RANBP17: variants seen among roughly 807,000 people sequenced by gnomAD.
RANBP17 encodes the protein RAN binding protein 17, also known as ran-binding protein 17.
In RANBP17, 158 loss-of-function variants were observed where a neutral mutation model predicts 141.2. The observed-to-expected ratio is 1.12, with a 90% CI of 0.98 to 1.28. RANBP17 has a LOEUF of 1.28. Among genes scored for constraint, RANBP17 ranks in the 50% most tolerant of loss-of-function variants. The probability of loss-of-function intolerance (pLI) is 0.00; values close to 1 mark genes in which losing one functional copy is unlikely to be tolerated. For synonymous variants in RANBP17, 430 were observed against 450.0 expected, an observed-to-expected ratio of 0.96 and a Z score of 0.56; for missense variants, 1,438 against 1,290.7, an observed-to-expected ratio of 1.11 and a Z score of -1.75.
At chr5:170,987,350 C>T (rs1778209844) in intron 14 of RANBP17, among the ~76,000 whole-genome samples, 1 of 151,350 alleles carries the variant, frequency 6.6e-6, no homozygotes, top group Non-Finnish European at 1.5e-5. Context: ...ATAAATATAT[C>T]ATAATCAGTT....
intron 7 of RANBP17, among the ~76,000 whole-genome samples, chr5:170,911,833 C>T (rs1771551787): frequency 6.6e-6 from 1 of 151,812 alleles, no homozygotes; most frequent in Non-Finnish European, 1.5e-5. Flanking sequence ...AATTTGTTCT[C>T]CCATGTTCCA....
At chr5:171,021,200 A>G (rs143520389) in intron 14 of RANBP17, among the ~76,000 whole-genome samples, 1 of 152,156 alleles carries the variant, frequency 6.6e-6, no homozygotes, top group East Asian at 1.9e-4. Context: ...GGCTGCCCTT[A>G]ACATTTTTTT....
intron 14 of RANBP17, among the ~76,000 whole-genome samples, chr5:171,122,137 A>G (rs908192335): frequency 2.6e-5 from 4 of 152,206 alleles, no homozygotes; most frequent in African/African-American, 7.2e-5. Context: ...CACAGGGACA[A>G]TAGAGTGCGG....
At chr5:170,973,953 T>A (rs1484925120) in intron 14 of RANBP17, among the ~76,000 whole-genome samples, 1 of 152,160 alleles carries the variant, frequency 6.6e-6, no homozygotes, top group Non-Finnish European at 1.5e-5. Context: ...CCTCTTAATA[T>A]CATCATGCTG....
intron 14 of RANBP17, among the ~76,000 whole-genome samples, chr5:171,012,082 T>C (rs960741370): frequency 4.0e-5 from 6 of 151,184 alleles, no homozygotes; most frequent in Non-Finnish European, 7.4e-5. Flanking sequence ...ATATTGTTTG[T>C]TTATTTGTTT....
chr5:171,236,804 T>C lies in RANBP17; in HGVS notation c.2423-4124T>C, dbSNP rs533399776. Among the ~76,000 whole-genome samples the C allele has an allele frequency of 2.0e-5, 3 of 152,190 alleles. No homozygotes were observed. The South Asian group carries it at 6.2e-4, about 32-fold the overall frequency. ...ATGAGGAAACTGTGAAGTACACAAGTTAATAATCTGCTCAGATACCTAGAT... is the reference window on the plus strand; with the variant it reads ...ATGAGGAAACTGTGAAGTACACAAGCTAATAATCTGCTCAGATACCTAGAT... On this transcript the variant is annotated intron_variant, in intron 22 of 27. Coordinates refer to ENST00000523189, the MANE Select transcript of RANBP17 (RefSeq NM_022897.5).
intron 20 of RANBP17, among the ~76,000 whole-genome samples, chr5:171,209,002 T>C (rs373102420): frequency 1.2e-4 from 18 of 152,174 alleles, no homozygotes; most frequent in African/African-American, 4.3e-4. Flanking sequence ...GTATAGATAC[T>C]ACCCCAAACA....
intron 25 of RANBP17, among the ~76,000 whole-genome samples, chr5:171,277,137 A>G (rs1767538259): frequency 6.6e-6 from 1 of 151,748 alleles, no homozygotes; most frequent in Non-Finnish European, 1.5e-5. Flanking sequence ...TCTTTATGCT[A>G]ACATAACACA....
At chr5:171,063,209 G>C (rs1037016042) in intron 14 of RANBP17, among the ~76,000 whole-genome samples, 3 of 152,214 alleles carry the variant, frequency 2.0e-5, no homozygotes, top group African/African-American at 7.2e-5. Flanking sequence ...GTGAGGAACT[G>C]CTTTCCTTTG....
intron 25 of RANBP17, among the ~76,000 whole-genome samples, chr5:171,277,011 A>G (rs966199530): frequency 6.7e-6 from 1 of 150,212 alleles, no homozygotes; most frequent in Admixed American, 6.7e-5. Context: ...GCGTTTTAAC[A>G]ATATGTATTC....
chr5:170,957,072 AAC>A (rs58034888), intron 13 of RANBP17, among the ~76,000 whole-genome samples: 3,771 of 142,860 alleles, frequency 0.026, 135 homozygotes, highest in African/African-American at 0.075. Context: ...TCTGTCTCAA[AAC>A]ACACACACAC....
chr5:171,171,321 A>T lies in RANBP17; in HGVS notation c.1865+35A>T, dbSNP rs747570788. 8 of 1,221,022 alleles carry T rather than the reference A, an allele frequency of 6.6e-6. No homozygotes were observed. The African/African-American group carries it at 7.6e-5, about 12-fold the overall frequency. 75.6% of individuals were successfully genotyped at this position (1,221,022 alleles called of 1,614,324 possible). A position where few individuals can be genotyped will look rare whatever the true frequency, so the allele number is the denominator to read the frequency against. On this transcript the variant is annotated intron_variant, in intron 16 of 27. Coordinates refer to ENST00000523189, the MANE Select transcript of RANBP17 (RefSeq NM_022897.5). ...TCACTGTATATCTGACATTATGTGTAAACAACCTAGCAGATGCATTTAATT... is the reference window on the plus strand; with the variant it reads ...TCACTGTATATCTGACATTATGTGTTAACAACCTAGCAGATGCATTTAATT...
chr5:171,277,637 G>GTGTGTA (rs1437482589), intron 25 of RANBP17, among the ~76,000 whole-genome samples: 10 of 56,898 alleles, frequency 1.8e-4, no homozygotes, highest in African/African-American at 4.1e-4. Context: ...ATATATGTAT[G>GTGTGTA]TATATATATA....
chr5:171,283,356 T>C (rs1561828425), intron 25 of RANBP17, among the ~76,000 whole-genome samples: 1 of 152,200 alleles, frequency 6.6e-6, no homozygotes, highest in Non-Finnish European at 1.5e-5. Flanking sequence ...AGGTGGTCAG[T>C]AAATGTTTAA....
intron 14 of RANBP17, among the ~76,000 whole-genome samples, chr5:170,988,741 G>A (rs763133740): frequency 6.6e-5 from 10 of 151,742 alleles, no homozygotes; most frequent in Admixed American, 1.3e-4. Flanking sequence ...TTGCACTTAT[G>A]TGATAGTTCT....
chr5:171,088,452 C>T (rs947379072), intron 14 of RANBP17, among the ~76,000 whole-genome samples: 1 of 152,056 alleles, frequency 6.6e-6, no homozygotes, highest in African/African-American at 2.4e-5. Context: ...TGGAGTTGCT[C>T]TTCTCGAGGA....
intron 19 of RANBP17, among the ~76,000 whole-genome samples, chr5:171,200,432 T>C (rs1166586252): frequency 6.6e-6 from 1 of 152,158 alleles, no homozygotes; most frequent in African/African-American, 2.4e-5. Context: ...AAGCTGTCTG[T>C]GACAAAACAG....
At chr5:170,873,133 A>G (rs1767890764) in intron 1 of RANBP17, among the ~76,000 whole-genome samples, 1 of 152,148 alleles carries the variant, frequency 6.6e-6, no homozygotes, top group African/African-American at 2.4e-5. Flanking sequence ...CTGGTCTTGA[A>G]CTATTGACCT....
intron 14 of RANBP17, among the ~76,000 whole-genome samples, chr5:171,030,771 G>A (rs1479388162): frequency 1.3e-5 from 2 of 152,030 alleles, no homozygotes; most frequent in African/African-American, 4.8e-5. Context: ...GACTTAGGAA[G>A]TAGCACAGAT....
Sources: allele counts gnomAD v4.1 joint callset (sites outside exome capture counted in the v4.1 genomes callset), GRCh38; gene constraint gnomAD v4.1.1; transcripts MANE v1.5; gene names NCBI Gene and HGNC (gene_info 2026-07-23, HGNC 2026-07-21).